FYN: variants seen among roughly 807,000 people sequenced by gnomAD.
The protein encoded by FYN is FYN proto-oncogene, Src family tyrosine kinase, also known as tyrosine-protein kinase Fyn.
FYN carries 10 observed loss-of-function variants against 70.2 expected under a neutral mutation model. The observed-to-expected ratio is 0.14, with a 90% CI of 0.09 to 0.24. FYN has a LOEUF of 0.24. Ranked by LOEUF, FYN falls within the 10% of genes least tolerant of loss-of-function variation. FYN has a pLI of 1.00. For synonymous variants in FYN, 236 were observed against 248.6 expected (o/e 0.95, Z 0.48); for missense variants, 319 against 673.1 (o/e 0.47, Z 5.82).
At chr6:111,676,944 G>C (rs997510654) in intron 12 of FYN, among the ~76,000 whole-genome samples, 2 of 152,026 alleles carry the variant, frequency 1.3e-5, no homozygotes, top group African/African-American at 4.8e-5. Context: ...AGTTGCATTA[G>C]TCAGCTTTAT....
chr6:111,789,657 G>C (rs1771538151), intron 2 of FYN, among the ~76,000 whole-genome samples: 1 of 152,164 alleles, frequency 6.6e-6, no homozygotes, highest in South Asian at 2.1e-4. Context: ...CTGGTAATGA[G>C]TCCCTGTCAG....
intron 2 of FYN, among the ~76,000 whole-genome samples, chr6:111,805,524 T>C (rs1021505838): frequency 6.6e-6 from 1 of 152,192 alleles, no homozygotes; most frequent in African/African-American, 2.4e-5. Flanking sequence ...AACCAGTCTT[T>C]ACGCAGAATA....
chr6:111,706,452 T>C (rs1176263025), intron 6 of FYN, among the ~76,000 whole-genome samples: 1 of 152,218 alleles, frequency 6.6e-6, no homozygotes, highest in African/African-American at 2.4e-5. Flanking sequence ...CAGTGACTTT[T>C]AGAAACACCA....
At chr6:111,843,951 G>A (rs747105317) in intron 2 of FYN, among the ~76,000 whole-genome samples, 6 of 151,836 alleles carry the variant, frequency 4.0e-5, no homozygotes, top group South Asian at 2.1e-4. Flanking sequence ...TAGAACTTAC[G>A]AAACTTAAAA....
At chr6:111,861,496 T>C (rs1228892888) in intron 1 of FYN, among the ~76,000 whole-genome samples, 3 of 151,950 alleles carry the variant, frequency 2.0e-5, no homozygotes, top group African/African-American at 7.3e-5. Context: ...GGAAAAAAAA[T>C]CCACCACTGC....
chr6:111,714,812 C>G (rs962797925), intron 4 of FYN, among the ~76,000 whole-genome samples: 3 of 152,168 alleles, frequency 2.0e-5, no homozygotes, highest in Non-Finnish European at 4.4e-5. Context: ...CTTTGCTGGT[C>G]GTATCTTCTC....
intron 1 of FYN, among the ~76,000 whole-genome samples, chr6:111,850,773 A>G (rs924889275): frequency 4.6e-5 from 7 of 152,228 alleles, no homozygotes; most frequent in African/African-American, 1.7e-4. Flanking sequence ...AGCTGCAGAC[A>G]GACATGCAGT....
intron 1 of FYN, among the ~76,000 whole-genome samples, chr6:111,857,467 C>A (rs1773852256): frequency 6.6e-6 from 1 of 151,146 alleles, no homozygotes; most frequent in South Asian, 2.1e-4. Context: ...CCAAATGAAC[C>A]TAGGACAGGT....
chr6:111,768,750 T>C (rs138968753), intron 3 of FYN, among the ~76,000 whole-genome samples: 2 of 152,314 alleles, frequency 1.3e-5, no homozygotes, highest in East Asian at 1.9e-4. Context: ...CAACTATTAA[T>C]ATTGAGGATG....
intron 2 of FYN, among the ~76,000 whole-genome samples, chr6:111,816,930 A>C (rs1241842141): frequency 1.3e-5 from 2 of 152,194 alleles, no homozygotes; most frequent in Non-Finnish European, 2.9e-5. Flanking sequence ...GCATCCCCAG[A>C]ATTTAGCACA....
In FYN at chr6:111,692,399, GAGGGCAGCAGCCTGGGACCCGCTC is replaced by G. The variant is rs552772555; in HGVS notation, c.1273+1952_1273+1975del. Among the ~76,000 whole-genome samples, 1,247 of 152,256 alleles carry G rather than the reference GAGGGCAGCAGCCTGGGACCCGCTC, an allele frequency of 8.2e-3. 20 individuals carry two copies. Among genetic ancestry groups the G allele is most frequent in the African/African-American group, 0.029 (1,191 of 41,540 alleles). On this transcript the variant is annotated intron_variant, in intron 12 of 13. Transcript: ENST00000354650. ...CAGAGGAACGGCTGGGGGCCAGGCT[GAGGGCAGCAGCCTGGGACCCGCTC>G]AGGGCAGCAGCCTGATGGGAGGGGA...
Position 111,661,857 on chromosome 6 carries a change from A to G in FYN, c.1496T>C (p.Met499Thr). The change falls in exon 14 of 14, where the codon ATG becomes ACG. Residue 499 changes from methionine to threonine, a missense_variant. Around this residue, in one of 4 missense-constraint regions of FYN, gnomAD observed 64 missense variants for 223.0 expected, o/e 0.29. Coordinates refer to ENST00000354650, the MANE Select transcript of FYN (RefSeq NM_002037.5). The surrounding 1 kb of genome is among the most constrained non-coding windows in gnomAD (Gnocchi z 4.0). ...QDCPISLHEL[M>T]IHCWKKDPEE... ...AGGGTCCTTTTTCCAGCAGTGGATCATGAGCTCATGCAGAGAGATGGGGCA... is the reference window on the plus strand; with the variant it reads ...AGGGTCCTTTTTCCAGCAGTGGATCGTGAGCTCATGCAGAGAGATGGGGCA... 3 of 1,614,240 alleles carry G rather than the reference A, an allele frequency of 1.9e-6. No individual in the cohort carries two copies. The highest frequency in any genetic ancestry group is 2.2e-5 in the South Asian group (2 of 91,088).
At chr6:111,756,446 C>CA (rs1802740449) in intron 3 of FYN, among the ~76,000 whole-genome samples, 38 of 144,798 alleles carry the variant, frequency 2.6e-4, no homozygotes, top group South Asian at 8.9e-4. Flanking sequence ...TAGATCAAAA[C>CA]CAAAAAAAAA....
chr6:111,748,428 A>G lies in FYN; in HGVS notation c.-11-28366T>C, dbSNP rs550939993. ...GCTGGACCATGTTTTCAACAGACACACTCATTTTATAGCAGTTCATGCTTG... is the reference window on the plus strand; with the variant it reads ...GCTGGACCATGTTTTCAACAGACACGCTCATTTTATAGCAGTTCATGCTTG... On this transcript the variant is annotated intron_variant, in intron 3 of 13. Transcript: ENST00000354650. 4.1e-3 allele frequency among the ~76,000 whole-genome samples: 619 copies of G among 152,254 alleles called. 1 individual carries two copies. Among genetic ancestry groups the G allele is most frequent in the African/African-American group, 0.014 (588 of 41,538 alleles).
chr6:111,855,239 G>T (rs1274444080), intron 1 of FYN, among the ~76,000 whole-genome samples: 1 of 152,094 alleles, frequency 6.6e-6, no homozygotes, highest in Non-Finnish European at 1.5e-5. Flanking sequence ...GCTTGTGGAA[G>T]TTTATTTTGT....
At chr6:111,727,446 T>C (rs1318444549) in intron 3 of FYN, among the ~76,000 whole-genome samples, 1 of 152,174 alleles carries the variant, frequency 6.6e-6, no homozygotes. Context: ...GATACACATA[T>C]AATGCCTCCA....
At chr6:111,810,481 T>A (rs1365486081) in intron 2 of FYN, among the ~76,000 whole-genome samples, 1 of 152,240 alleles carries the variant, frequency 6.6e-6, no homozygotes, top group African/African-American at 2.4e-5. Context: ...ACCTCCTGTG[T>A]GAACTGTAAA....
At chr6:111,852,823 TCA>T (rs1483005212) in intron 1 of FYN, among the ~76,000 whole-genome samples, 1 of 152,242 alleles carries the variant, frequency 6.6e-6, no homozygotes, top group Non-Finnish European at 1.5e-5. Flanking sequence ...CCTACTTCTA[TCA>T]CAGTCTCTCT....
rs552561543 is a variant in FYN, at chr6:111,670,316, C to T, written c.1405+4183G>A. On this transcript the variant is annotated intron_variant, in intron 13 of 13. Coordinates refer to ENST00000354650, the MANE Select transcript of FYN (RefSeq NM_002037.5). ...TGATGGAAGGCTGTGCTCCCAGATA[C>T]CCACCTGGCTGGATTCTTGCTTCCT... Among the ~76,000 whole-genome samples, 111 of 152,282 alleles carry T rather than the reference C, an allele frequency of 7.3e-4. 2 individuals are homozygous for T. In the South Asian group the frequency reaches 0.018, roughly 24 times the overall value.
Sources: allele counts gnomAD v4.1 joint callset (sites outside exome capture counted in the v4.1 genomes callset), GRCh38; gene constraint gnomAD v4.1.1; regional missense constraint gnomAD v4.1.1; non-coding constraint Gnocchi (gnomAD v3.1); transcripts MANE v1.5; gene names NCBI Gene and HGNC (gene_info 2026-07-23, HGNC 2026-07-21).